The following SGCG variants were observed in gnomAD, a reference collection of about 807,000 sequenced individuals.
SGCG encodes the protein gamma-sarcoglycan.
In SGCG, 26 loss-of-function variants were observed where a neutral mutation model predicts 29.3. That is an observed-to-expected ratio of 0.89 (90% confidence interval 0.65 to 1.23). The LOEUF (loss-of-function observed/expected upper bound fraction) is 1.23. Among genes scored for constraint, SGCG ranks in the 50% most tolerant of loss-of-function variants. The pLI, the probability that SGCG is intolerant of heterozygous loss-of-function variation, is 0.00. For missense variants in SGCG, 353 were observed against 356.0 expected (o/e 0.99, Z 0.07); for synonymous variants, 145 against 129.7 (o/e 1.12, Z -0.80).
chr13:23,254,960 T>C (rs374513031), intron 4 of SGCG, among the ~76,000 whole-genome samples: 39 of 152,236 alleles, frequency 2.6e-4, no homozygotes, highest in African/African-American at 8.9e-4. Flanking sequence ...AGAAGACGTG[T>C]AGAAAAGCCT....
chr13:23,166,201 C>T, the SGCG span, among the ~76,000 whole-genome samples: 1 of 151,938 alleles, frequency 6.6e-6, no homozygotes. Context: ...TATCAATTCT[C>T]CTCTATTTCT....
intron 3 of SGCG, chr13:23,244,719 G>C (rs1022541360): frequency 2.0e-5 from 3 of 152,128 alleles, no homozygotes; most frequent in African/African-American, 7.2e-5. Flanking sequence ...TATGTTGTGG[G>C]CTCAGACACC....
rs1043967409 is a variant in SGCG at position 23,275,525 on chromosome 13, A to T, written c.386-3834A>T. The stretch of plus-strand genomic sequence containing the variant: ...CTTTAAAAAAAAAAAAAAAGTGATC[A>T]TCTTACAGCATTTTTGGAAGGCTGT... On this transcript the variant is annotated intron_variant, in intron 4 of 7. Coordinates refer to ENST00000218867, the MANE Select transcript of SGCG (RefSeq NM_000231.3). Among the ~76,000 whole-genome samples the T allele has an allele frequency of 1.3e-3, 191 of 151,398 alleles. 1 individual carries two copies. Among genetic ancestry groups the T allele is most frequent in the African/African-American group, 4.4e-3 (182 of 41,334 alleles).
In SGCG at chr13:23,279,434, A is replaced by C; in HGVS notation, c.461A>C (p.Asp154Ala). The change falls in exon 5 of 8, where the codon GAT becomes GCT. Residue 154 changes from aspartate (D) to alanine (A), a missense_variant. Physicochemically the swap from Asp to Ala is moderately radical, Grantham distance 126 (BLOSUM62 -2). Coordinates refer to ENST00000218867, the MANE Select transcript of SGCG (RefSeq NM_000231.3). ...GACGGCAAGCCACTATTTACTGTAG[A>C]TGAGAAGGAAGTTGTGGTTGGTACA... ...SNDGKPLFTV[D>A]EKEVVVGTDK... 1 of 1,613,512 alleles carries C rather than the reference A, an allele frequency of 6.2e-7. No individual in the cohort carries two copies. Among genetic ancestry groups the C allele is most frequent in the Non-Finnish European group, 8.5e-7 (1 of 1,179,502 alleles).
chr13:23,165,263 AAG>A, the SGCG span, among the ~76,000 whole-genome samples: 1 of 152,210 alleles, frequency 6.6e-6, no homozygotes. Flanking sequence ...CATTTGGGTA[AAG>A]AGTGTTTTCA....
intron 4 of SGCG, among the ~76,000 whole-genome samples, chr13:23,271,332 T>C (rs1880869523): frequency 6.6e-6 from 1 of 152,180 alleles, no homozygotes; most frequent in South Asian, 2.1e-4. Context: ...TGTCCAGTCT[T>C]TTGCCTTCCC....
At chr13:23,299,935 A>C (rs913006595) in intron 6 of SGCG, among the ~76,000 whole-genome samples, 1 of 152,226 alleles carries the variant, frequency 6.6e-6, no homozygotes, top group African/African-American at 2.4e-5. Context: ...CAATGAGTTT[A>C]CAGTCTATTG....
chr13:23,272,285 A>G (rs1326373181), intron 4 of SGCG, among the ~76,000 whole-genome samples: 1 of 152,196 alleles, frequency 6.6e-6, no homozygotes, highest in East Asian at 1.9e-4. Context: ...TACTTGCCTT[A>G]GGGTTAAAAT....
intron 2 of SGCG, among the ~76,000 whole-genome samples, chr13:23,206,750 A>C (rs2137505689): frequency 6.6e-6 from 1 of 152,352 alleles, no homozygotes; most frequent in South Asian, 2.1e-4. Flanking sequence ...ATCTAGAAAT[A>C]AACTTAACTA....
intron 3 of SGCG, chr13:23,245,641 G>A (rs964722037): frequency 1.3e-5 from 2 of 152,174 alleles, no homozygotes; most frequent in Admixed American, 6.5e-5. Flanking sequence ...AACCAAAGTA[G>A]AGTCATTTAT....
intron 6 of SGCG, among the ~76,000 whole-genome samples, chr13:23,315,718 C>T (rs532907770): frequency 6.6e-6 from 1 of 152,268 alleles, no homozygotes; most frequent in East Asian, 1.9e-4. Context: ...GCCAGATATG[C>T]AATTATATAC....
At chr13:23,237,799 T>TAA (rs35050714) in intron 3 of SGCG, among the ~76,000 whole-genome samples, 1 of 143,152 alleles carries the variant, frequency 7.0e-6, no homozygotes, top group Non-Finnish European at 1.5e-5. Flanking sequence ...AATCTTCATC[T>TAA]AAAAAAAAAA....
intron 6 of SGCG, among the ~76,000 whole-genome samples, chr13:23,306,457 T>C (rs753173488): frequency 1.3e-5 from 2 of 152,220 alleles, no homozygotes; most frequent in Non-Finnish European, 2.9e-5. Context: ...TCACTTAATC[T>C]AAGTTTTTAA....
At chr13:23,230,633 T>G (rs1200077307) in intron 2 of SGCG, among the ~76,000 whole-genome samples, 1 of 152,222 alleles carries the variant, frequency 6.6e-6, no homozygotes, top group African/African-American at 2.4e-5. Context: ...TACATTGATT[T>G]TGTATCCCAA....
chr13:23,274,008 T>C (rs1880967339), intron 4 of SGCG, among the ~76,000 whole-genome samples: 1 of 152,208 alleles, frequency 6.6e-6, no homozygotes, highest in Admixed American at 6.5e-5. Flanking sequence ...CTCACATCTT[T>C]TATTTTTGTT....
chr13:23,181,902 T>C (rs1876751474), intron 1 of SGCG, among the ~76,000 whole-genome samples: 1 of 152,228 alleles, frequency 6.6e-6, no homozygotes, highest in African/African-American at 2.4e-5. Flanking sequence ...ACCGTTTGTT[T>C]TTTGCTTATT....
intron 2 of SGCG, among the ~76,000 whole-genome samples, chr13:23,214,280 ATTAAT>A (rs1341238470): frequency 3.3e-5 from 5 of 152,142 alleles, no homozygotes; most frequent in African/African-American, 9.7e-5. Flanking sequence ...GATCAGAGAG[ATTAAT>A]TTGAGACTGA....
At chr13:23,165,206 A>C in the SGCG span, among the ~76,000 whole-genome samples, 2 of 152,222 alleles carry the variant, frequency 1.3e-5, no homozygotes, top group East Asian at 3.8e-4. Context: ...TTTTAATTTC[A>C]TATTTGTAGA....
intron 1 of SGCG, among the ~76,000 whole-genome samples, chr13:23,192,646 T>G (rs762611881): frequency 6.6e-6 from 1 of 152,196 alleles, no homozygotes; most frequent in Non-Finnish European, 1.5e-5. Context: ...TCCACCTGCC[T>G]CAGCCTCCCA....
Sources: gnomAD v4.1 joint callset for allele counts (sites outside exome capture counted in the v4.1 genomes callset) on GRCh38, gnomAD v4.1.1 for gene constraint, MANE v1.5 for transcripts, NCBI Gene and HGNC (gene_info 2026-07-23, HGNC 2026-07-21) for gene names.